NECTIN1: variants seen among roughly 807,000 people sequenced by gnomAD.
The protein encoded by NECTIN1 is nectin-1.
In NECTIN1, 23 loss-of-function variants were observed where a neutral mutation model predicts 48.0. The observed-to-expected ratio is 0.48, with a 90% CI of 0.34 to 0.68. The LOEUF is 0.68. NECTIN1 is among the 30% of genes least tolerant of loss of function. The pLI, the probability that NECTIN1 is intolerant of heterozygous loss-of-function variation, is 0.01. For missense variants in NECTIN1, 591 were observed against 709.9 expected (o/e 0.83, Z 1.90); for synonymous variants, 270 against 288.9 (o/e 0.93, Z 0.66).
intron 1 of NECTIN1, among the ~76,000 whole-genome samples, chr11:119,712,023 G>A (rs529469324): frequency 1.9e-4 from 29 of 152,324 alleles, no homozygotes; most frequent in African/African-American, 6.3e-4. Flanking sequence ...CCAGGGCTCC[G>A]GTGCACAGCA....
chr11:119,700,930 G>T (rs543619344), intron 1 of NECTIN1, among the ~76,000 whole-genome samples: 28 of 152,290 alleles, frequency 1.8e-4, no homozygotes, highest in African/African-American at 4.8e-4. Context: ...GTGGCTTGGG[G>T]TGGCTCCTGG....
chr11:119,668,735 A>G (rs1160771769), intron 5 of NECTIN1, among the ~76,000 whole-genome samples: 1 of 152,230 alleles, frequency 6.6e-6, no homozygotes, highest in African/African-American at 2.4e-5. Context: ...ACATACTGAC[A>G]TAGCATGGTA....
In NECTIN1 at chr11:119,662,588, CAG is replaced by C; in HGVS notation, c.*2157_*2158del. 1 of 985,634 alleles carries C rather than the reference CAG, an allele frequency of 1.0e-6. No individual in the cohort carries two copies. The highest frequency in any genetic ancestry group is 1.2e-6 in the Non-Finnish European group (1 of 829,990). 61.1% of individuals were successfully genotyped at this position (985,634 alleles called of 1,614,324 possible). A position where few individuals can be genotyped will look rare whatever the true frequency, so the allele number is the denominator to read the frequency against. Reference sequence around the variant, plus strand: ...AGGATAAAGGAGATGCAGGAGGAGACAGGGACAGGAAATGCCTCTATCAGGCA... The same window carrying C: ...AGGATAAAGGAGATGCAGGAGGAGACGGACAGGAAATGCCTCTATCAGGCA... On this transcript the variant is annotated 3_prime_UTR_variant, in exon 6 of 6. Coordinates refer to ENST00000264025, the MANE Select transcript of NECTIN1 (RefSeq NM_002855.5). This position sits in a 1 kb window ranked among gnomAD's most constrained non-coding sequence, Gnocchi z 5.3.
At chr11:119,721,174 T>A (rs1032518288) in intron 1 of NECTIN1, among the ~76,000 whole-genome samples, 11 of 152,226 alleles carry the variant, frequency 7.2e-5, no homozygotes, top group African/African-American at 2.7e-4. Context: ...CATGGAATGA[T>A]GATTTGCTGA....
At chr11:119,668,601 C>G (rs1221435704) in intron 5 of NECTIN1, among the ~76,000 whole-genome samples, 1 of 152,204 alleles carries the variant, frequency 6.6e-6, no homozygotes, top group East Asian at 1.9e-4. Context: ...CTTCTCCAGC[C>G]CCTTCTTCAG....
intron 1 of NECTIN1, among the ~76,000 whole-genome samples, chr11:119,694,205 T>C: frequency 6.6e-6 from 1 of 151,238 alleles, no homozygotes; most frequent in Non-Finnish European, 1.5e-5. Context: ...AAGCAGTTAG[T>C]GGGAATCAGG....
chr11:119,707,391 A>C (rs1236168617), intron 1 of NECTIN1, among the ~76,000 whole-genome samples: 2 of 151,918 alleles, frequency 1.3e-5, no homozygotes, highest in African/African-American at 4.8e-5. Flanking sequence ...TTTCTTGCTA[A>C]AGGTCACCTC....
rs1306653972 is a variant in NECTIN1 at position 119,727,106 on chromosome 11, C to A, written c.79+1369G>T. ...CACAAACTGCTTCCCAGACATCCAC[C>A]ACTTAGTGAGATTGGCGGGGCCCTC... is the stretch of plus-strand genomic sequence containing the variant. On this transcript the variant is annotated intron_variant, in intron 1 of 5. Coordinates refer to ENST00000264025, the MANE Select transcript of NECTIN1 (RefSeq NM_002855.5). The surrounding 1 kb of genome is among the most constrained non-coding windows in gnomAD (Gnocchi z 4.1). 6.6e-6 allele frequency among the ~76,000 whole-genome samples: 1 copy of A among 152,166 alleles called. No homozygotes were observed. The highest frequency in any genetic ancestry group is 2.4e-5 in the African/African-American group (1 of 41,422).
chr11:119,638,603 C>T, intron 7 of NECTIN1: 3 of 889,964 alleles, frequency 3.4e-6, no homozygotes, highest in Non-Finnish European at 5.4e-6. Flanking sequence ...TGGACCTGGC[C>T]TTGTGGGAAC....
intron 1 of NECTIN1, among the ~76,000 whole-genome samples, chr11:119,716,913 T>A (rs1389851738): frequency 6.6e-6 from 1 of 152,196 alleles, no homozygotes; most frequent in Non-Finnish European, 1.5e-5. Flanking sequence ...ACACACACCA[T>A]AAACCTTCCT....
rs957990947 is a variant in NECTIN1 at position 119,727,172 on chromosome 11, T to A, written c.79+1303A>T. Among the ~76,000 whole-genome samples, 6 of 152,170 alleles carry A rather than the reference T, an allele frequency of 3.9e-5. No individual in the cohort carries two copies. The highest frequency in any genetic ancestry group is 4.4e-5 in the Non-Finnish European group (3 of 68,022). On this transcript the variant is annotated intron_variant, in intron 1 of 5. Transcript: ENST00000264025. This position sits in a 1 kb window ranked among gnomAD's most constrained non-coding sequence, Gnocchi z 4.1. The stretch of plus-strand genomic sequence containing the variant: ...GCAGCAGAAGAGGCATAGAAGGGAA[T>A]GAGGCCAGGCTTCTGCCTTCCAGGA...
chr11:119,661,896 C>T lies in NECTIN1; in HGVS notation c.*2851G>A, dbSNP rs1162074742. 11 of 985,318 alleles carry T rather than the reference C, an allele frequency of 1.1e-5. No individual in the cohort carries two copies. The highest frequency in any genetic ancestry group is 1.3e-5 in the Non-Finnish European group (11 of 829,998). The allele number at this position is 985,318 out of a possible 1,614,324, so 61.0% of individuals were successfully genotyped here. A position where few individuals can be genotyped will look rare whatever the true frequency, so the allele number is the denominator to read the frequency against. On this transcript the variant is annotated 3_prime_UTR_variant, in exon 6 of 6. Transcript: ENST00000264025. ...TGTGTTGGAGGTGTGAGTGTGTCCA[C>T]TGTGGGCACACGTACTGGGTCTGAG...
intron 1 of NECTIN1, among the ~76,000 whole-genome samples, chr11:119,681,311 T>G (rs890022995): frequency 7.2e-5 from 11 of 152,326 alleles, no homozygotes; most frequent in Admixed American, 4.6e-4. Flanking sequence ...TGGGAGGGCT[T>G]GGGCCCCAGG....
At chr11:119,723,661 G>A (rs1865867016) in intron 1 of NECTIN1, among the ~76,000 whole-genome samples, 1 of 152,216 alleles carries the variant, frequency 6.6e-6, no homozygotes, top group African/African-American at 2.4e-5. Flanking sequence ...GGAATGGGGT[G>A]AGGTACAGAT....
intron 1 of NECTIN1, among the ~76,000 whole-genome samples, chr11:119,716,253 G>A (rs1410160571): frequency 3.9e-5 from 6 of 152,136 alleles, no homozygotes; most frequent in Non-Finnish European, 5.9e-5. Flanking sequence ...TCCCCACAGC[G>A]TTCTGGGGCA....
At chr11:119,655,061 C>T (rs1471370494) in intron 5 of NECTIN1, among the ~76,000 whole-genome samples, 1 of 151,890 alleles carries the variant, frequency 6.6e-6, no homozygotes, top group South Asian at 2.1e-4. Flanking sequence ...AGGCACCCAC[C>T]ACCACGCCTG....
intron 5 of NECTIN1, among the ~76,000 whole-genome samples, chr11:119,671,379 G>T (rs1366876785): frequency 6.6e-6 from 1 of 152,084 alleles, no homozygotes; most frequent in African/African-American, 2.4e-5. Flanking sequence ...ATTCCTGAAG[G>T]GTTGTAACCT....
chr11:119,651,648 C>A (rs1864491829), intron 5 of NECTIN1, among the ~76,000 whole-genome samples: 3 of 152,062 alleles, frequency 2.0e-5, no homozygotes, highest in Non-Finnish European at 2.9e-5. Flanking sequence ...CCATGCCCAC[C>A]CCAATCCCCC....
At chr11:119,670,258 C>G (rs1864844040) in intron 5 of NECTIN1, among the ~76,000 whole-genome samples, 1 of 152,150 alleles carries the variant, frequency 6.6e-6, no homozygotes, top group African/African-American at 2.4e-5. Context: ...CCACGCCCAG[C>G]CTACATATTT....
Sources: gnomAD v4.1 joint callset for allele counts (sites outside exome capture counted in the v4.1 genomes callset) on GRCh38, gnomAD v4.1.1 for gene constraint, Gnocchi (gnomAD v3.1) non-coding constraint, MANE v1.5 for transcripts, NCBI Gene and HGNC (gene_info 2026-07-23, HGNC 2026-07-21) for gene names.